ZBTB20: variants seen among roughly 807,000 people sequenced by gnomAD.
ZBTB20 encodes zinc finger and BTB domain-containing protein 20.
Under a neutral mutation model 56.9 loss-of-function variants are expected in ZBTB20, and 9 were observed. That is an observed-to-expected ratio of 0.16 (90% CI 0.10 to 0.28). The LOEUF (loss-of-function observed/expected upper bound fraction) is 0.28, where lower values mean the gene tolerates loss of function less well. Ranked by LOEUF, ZBTB20 falls within the 10% of genes least tolerant of loss-of-function variation. ZBTB20 has a pLI of 1.00. For synonymous variants in ZBTB20, 417 were observed against 420.7 expected, an observed-to-expected ratio of 0.99 and a Z score of 0.11; for missense variants, 655 against 1,003.0, an observed-to-expected ratio of 0.65 and a Z score of 4.69.
chr3:114,817,189 T>A lies in ZBTB20; in HGVS notation c.-416-16015A>T, dbSNP rs527583145. 7.0e-3 allele frequency among the ~76,000 whole-genome samples: 547 copies of A among 78,620 alleles called. 1 individual carries two copies. The highest frequency in any genetic ancestry group is 0.038 in the South Asian group (72 of 1,890). 51.6% of individuals were successfully genotyped at this position (78,620 alleles called of 152,430 possible). ...TCTATATGAAATATATTTATACAACTTATACACACACACACACACACACAC... is the reference window on the plus strand; with the variant it reads ...TCTATATGAAATATATTTATACAACATATACACACACACACACACACACAC... On this transcript the variant is annotated intron_variant, in intron 4 of 11. Coordinates refer to ENST00000675478, the MANE Select transcript of ZBTB20 (RefSeq NM_001348800.3).
chr3:114,561,683 A>G (rs1045103474), intron 6 of ZBTB20, among the ~76,000 whole-genome samples: 2 of 152,046 alleles, frequency 1.3e-5, no homozygotes, highest in African/African-American at 4.8e-5. Context: ...TATTCCATTT[A>G]TAGAGCTCAG....
intron 3 of ZBTB20, among the ~76,000 whole-genome samples, chr3:114,921,372 C>A (rs145412047): frequency 3.3e-5 from 5 of 152,160 alleles, no homozygotes; most frequent in African/African-American, 1.2e-4. Flanking sequence ...ATCTGCATGT[C>A]TCAGCCTCCC....
intron 6 of ZBTB20, among the ~76,000 whole-genome samples, chr3:114,531,853 G>A (rs796696133): frequency 6.6e-6 from 1 of 152,182 alleles, no homozygotes; most frequent in East Asian, 1.9e-4. Flanking sequence ...CCAAAGCAGG[G>A]TGGGGCATCG....
At chr3:114,341,276 T>G (rs2079740839) in intron 11 of ZBTB20, among the ~76,000 whole-genome samples, 1 of 148,724 alleles carries the variant, frequency 6.7e-6, no homozygotes, top group South Asian at 2.1e-4. Context: ...TTTTTTTTTT[T>G]GAAGTAAGAG....
At chr3:114,603,523 C>A (rs138359408) in intron 6 of ZBTB20, among the ~76,000 whole-genome samples, 12 of 151,810 alleles carry the variant, frequency 7.9e-5, no homozygotes, top group African/African-American at 2.4e-4. Flanking sequence ...TTACCTATAA[C>A]TCATTATCTA....
rs555698940 is a variant in ZBTB20 at position 114,631,268 on chromosome 3, C to T, written c.-295+62260G>A. 5.3e-5 allele frequency among the ~76,000 whole-genome samples: 8 copies of T among 150,044 alleles called. No homozygotes were observed. The South Asian group carries it at 1.0e-3, about 20-fold the overall frequency. On this transcript the variant is annotated intron_variant, in intron 6 of 11. Transcript: ENST00000675478. The stretch of plus-strand genomic sequence containing the variant: ...GCTTTGAGAGAGGTAAAAATTGCCT[C>T]GATTATCATTTTTCCTTTCTCTTTC...
At chr3:115,007,207 T>C (rs890002821) in intron 2 of ZBTB20, among the ~76,000 whole-genome samples, 1 of 151,806 alleles carries the variant, frequency 6.6e-6, no homozygotes, top group Non-Finnish European at 1.5e-5. Context: ...TAAAAAAATA[T>C]GTTTTGATAA....
At chr3:115,136,364 A>G (rs1051185894) in intron 1 of ZBTB20, among the ~76,000 whole-genome samples, 13 of 152,088 alleles carry the variant, frequency 8.5e-5, no homozygotes, top group Admixed American at 3.3e-4. Context: ...TAAGTACAAA[A>G]AAGCCTGATC....
At chr3:114,427,330 C>A (rs1323178556) in intron 7 of ZBTB20, among the ~76,000 whole-genome samples, 1 of 152,172 alleles carries the variant, frequency 6.6e-6, no homozygotes, top group Non-Finnish European at 1.5e-5. Flanking sequence ...TGATTTATTT[C>A]TCTGTAATAT....
chr3:115,051,959 C>T (rs1233535274), intron 2 of ZBTB20, among the ~76,000 whole-genome samples: 2 of 151,934 alleles, frequency 1.3e-5, no homozygotes, highest in East Asian at 1.9e-4. Context: ...AACCAGATCT[C>T]GGTGAGAACT....
intron 4 of ZBTB20, among the ~76,000 whole-genome samples, chr3:114,870,186 GA>G (rs2075938516): frequency 6.6e-6 from 1 of 152,086 alleles, no homozygotes; most frequent in Non-Finnish European, 1.5e-5. Flanking sequence ...TTCTTATGGG[GA>G]TCTTGATTAA....
chr3:114,540,272 C>T (rs2048969308), intron 6 of ZBTB20, among the ~76,000 whole-genome samples: 1 of 152,002 alleles, frequency 6.6e-6, no homozygotes, highest in Admixed American at 6.6e-5. Context: ...ATCAACACCT[C>T]TGTGCACATA....
At chr3:114,471,792 C>T (rs900074609) in intron 7 of ZBTB20, among the ~76,000 whole-genome samples, 5 of 152,156 alleles carry the variant, frequency 3.3e-5, no homozygotes, top group Non-Finnish European at 5.9e-5. Flanking sequence ...GGGAAAGAAA[C>T]TCAGTTGTCT....
At chr3:114,543,189 A>C (rs1281605328) in intron 6 of ZBTB20, among the ~76,000 whole-genome samples, 1 of 152,142 alleles carries the variant, frequency 6.6e-6, no homozygotes, top group African/African-American at 2.4e-5. Context: ...ATAATATCTA[A>C]TACAATAAAC....
At chr3:114,843,888 T>C (rs1367520479) in intron 4 of ZBTB20, among the ~76,000 whole-genome samples, 1 of 151,640 alleles carries the variant, frequency 6.6e-6, no homozygotes, top group Non-Finnish European at 1.5e-5. Flanking sequence ...GGTTTCACCG[T>C]GTTAGCCAGG....
intron 2 of ZBTB20, among the ~76,000 whole-genome samples, chr3:115,021,508 T>C (rs886925596): frequency 6.0e-5 from 9 of 150,992 alleles, no homozygotes; most frequent in South Asian, 2.1e-4. Flanking sequence ...TTATGTGTAA[T>C]GAAGCTGTTC....
chr3:114,993,257 G>C (rs2108166546), intron 2 of ZBTB20, among the ~76,000 whole-genome samples: 1 of 152,038 alleles, frequency 6.6e-6, no homozygotes, highest in East Asian at 1.9e-4. Context: ...TAGAAGAAGA[G>C]ATGGAGAAAC....
intron 7 of ZBTB20, among the ~76,000 whole-genome samples, chr3:114,392,358 G>A (rs552068179): frequency 3.3e-5 from 5 of 152,182 alleles, no homozygotes; most frequent in East Asian, 1.9e-4. Flanking sequence ...TATTTCACAC[G>A]GCATGCCTAT....
intron 1 of ZBTB20, among the ~76,000 whole-genome samples, chr3:115,132,364 T>C (rs1224761037): frequency 6.6e-6 from 1 of 152,170 alleles, no homozygotes; most frequent in Admixed American, 6.5e-5. Context: ...GTTGTTTTCA[T>C]CTTATCTTTT....
Sources: allele counts gnomAD v4.1 joint callset (sites outside exome capture counted in the v4.1 genomes callset), GRCh38; gene constraint gnomAD v4.1.1; transcripts MANE v1.5; gene names NCBI Gene and HGNC (gene_info 2026-07-23, HGNC 2026-07-21).